Variants in TRPM3 observed in about 807,000 individuals in gnomAD.
The protein encoded by TRPM3 is long transient receptor potential channel 3.
In TRPM3, 77 loss-of-function variants were observed where a neutral mutation model predicts 181.2. The ratio of observed to expected loss-of-function variants is 0.42; its 90% CI spans 0.35 to 0.51. The LOEUF (loss-of-function observed/expected upper bound fraction) is 0.51, where lower values mean the gene tolerates loss of function less well. TRPM3 is among the 20% of genes least tolerant of loss of function. The pLI is 0.01. For synonymous variants in TRPM3, 745 were observed against 796.4 expected (o/e 0.94, Z 1.09); for missense variants, 1,759 against 2,196.7 (o/e 0.80, Z 3.98).
intron 1 of TRPM3, among the ~76,000 whole-genome samples, chr9:71,131,486 A>T (rs541774552): frequency 1.4e-3 from 206 of 152,362 alleles, no homozygotes; most frequent in African/African-American, 4.6e-3. Flanking sequence ...AGATCCTTGC[A>T]GACTGTCTGG....
intron 1 of TRPM3, among the ~76,000 whole-genome samples, chr9:71,306,547 A>G (rs1171764966): frequency 6.6e-6 from 1 of 152,184 alleles, no homozygotes; most frequent in Non-Finnish European, 1.5e-5. Context: ...CACTATTCTG[A>G]TATCTATAAG....
intron 1 of TRPM3, among the ~76,000 whole-genome samples, chr9:71,102,734 A>T (rs746564082): frequency 1.3e-4 from 20 of 152,152 alleles, no homozygotes; most frequent in Non-Finnish European, 2.1e-4. Context: ...AATATCTGGT[A>T]TGTTCTTCTA....
At chr9:71,408,448 G>C (rs1485566405) in intron 1 of TRPM3, among the ~76,000 whole-genome samples, 2 of 152,140 alleles carry the variant, frequency 1.3e-5, no homozygotes, top group African/African-American at 4.8e-5. Context: ...CGAGAACTAC[G>C]TGATGCATGC....
chr9:70,901,855 TGCATGACA>T (rs1564722661), intron 1 of TRPM3, among the ~76,000 whole-genome samples: 2 of 152,152 alleles, frequency 1.3e-5, no homozygotes, highest in South Asian at 2.1e-4. Flanking sequence ...GATATGAGAG[TGCATGACA>T]GCACATATAT....
intron 1 of TRPM3, among the ~76,000 whole-genome samples, chr9:71,027,501 T>C (rs1159402679): frequency 1.3e-5 from 2 of 152,066 alleles, no homozygotes; most frequent in East Asian, 1.9e-4. Flanking sequence ...AGAATATGGA[T>C]AGGAATGAAG....
chr9:71,186,763 T>C (rs1565317265), intron 1 of TRPM3, among the ~76,000 whole-genome samples: 2 of 152,072 alleles, frequency 1.3e-5, no homozygotes, highest in African/African-American at 4.8e-5. Context: ...AAGAACAGAT[T>C]TGACTGTCTA....
intron 5 of TRPM3, among the ~76,000 whole-genome samples, chr9:70,839,259 A>T (rs2094500741): frequency 6.6e-6 from 1 of 152,170 alleles, no homozygotes; most frequent in South Asian, 2.1e-4. Flanking sequence ...ACTAAGTGTG[A>T]GGCTCTAAGT....
At chr9:70,760,257 T>C (rs1278947875) in intron 8 of TRPM3, among the ~76,000 whole-genome samples, 2 of 151,668 alleles carry the variant, frequency 1.3e-5, no homozygotes, top group East Asian at 3.9e-4. Context: ...TGTATAGTCC[T>C]GGTAAGGTTT....
intron 1 of TRPM3, among the ~76,000 whole-genome samples, chr9:71,137,787 T>C (rs1286151209): frequency 6.6e-6 from 1 of 152,200 alleles, no homozygotes; most frequent in African/African-American, 2.4e-5. Context: ...TTTACATTAT[T>C]TTAACAGTTG....
intron 1 of TRPM3, among the ~76,000 whole-genome samples, chr9:71,352,051 A>G (rs191615361): frequency 6.6e-6 from 1 of 151,512 alleles, no homozygotes; most frequent in Non-Finnish European, 1.5e-5. Context: ...AATTTTTTGT[A>G]TTTTTAGTAA....
intron 1 of TRPM3, among the ~76,000 whole-genome samples, chr9:71,293,911 G>C (rs1237687595): frequency 6.6e-6 from 1 of 151,864 alleles, no homozygotes; most frequent in African/African-American, 2.4e-5. Context: ...GATAGAGGTG[G>C]TATTGCATAC....
rs1483987337 is a variant in TRPM3, at chr9:70,935,071, C to A, written c.178-70560G>T. Among the ~76,000 whole-genome samples the A allele has an allele frequency of 2.6e-5, 4 of 152,202 alleles. No individual in the cohort carries two copies. The East Asian group carries it at 7.7e-4, about 29-fold the overall frequency. ...CCAGCCTCATCTTCCATCACTTCCC[C>A]ATGCCCTACTTTGCAAACCCACTGA... is the stretch of plus-strand genomic sequence containing the variant. On this transcript the variant is annotated intron_variant, in intron 1 of 25. Coordinates refer to ENST00000677713, the MANE Select transcript of TRPM3 (RefSeq NM_001366145.2).
upstream of TRPM3, among the ~76,000 whole-genome samples, chr9:71,123,200 C>T (rs1428418065): frequency 6.6e-6 from 1 of 152,192 alleles, no homozygotes; most frequent in African/African-American, 2.4e-5. Context: ...ACCACTGCCT[C>T]TGTTTTTTGG....
intron 1 of TRPM3, among the ~76,000 whole-genome samples, chr9:71,062,783 A>G (rs1246804925): frequency 3.3e-5 from 5 of 151,938 alleles, no homozygotes; most frequent in African/African-American, 1.2e-4. Context: ...TGATAAAAGG[A>G]TGAGTTCAGC....
intron 1 of TRPM3, among the ~76,000 whole-genome samples, chr9:70,873,499 C>A (rs2095824327): frequency 6.6e-6 from 1 of 151,994 alleles, no homozygotes. Context: ...TACGCTCCAG[C>A]AAACCAAATT....
chr9:70,542,054 G>T (rs2043517023), intron 25 of TRPM3, among the ~76,000 whole-genome samples: 1 of 152,184 alleles, frequency 6.6e-6, no homozygotes, highest in Non-Finnish European at 1.5e-5. Flanking sequence ...CCAGGAGACT[G>T]AGGCTGTGGT....
At chr9:71,112,246 A>T (rs1421167678) in intron 1 of TRPM3, among the ~76,000 whole-genome samples, 2 of 152,314 alleles carry the variant, frequency 1.3e-5, no homozygotes, top group Admixed American at 6.5e-5. Context: ...ATATTAACAT[A>T]TGTTAGATCA....
intron 1 of TRPM3, among the ~76,000 whole-genome samples, chr9:70,876,243 C>T (rs1353293581): frequency 6.6e-6 from 1 of 150,772 alleles, no homozygotes; most frequent in African/African-American, 2.4e-5. Context: ...TATTTTACAT[C>T]CTAGAAGACA....
At chr9:70,739,591 A>G (rs1003729444) in intron 8 of TRPM3, among the ~76,000 whole-genome samples, 2 of 151,588 alleles carry the variant, frequency 1.3e-5, no homozygotes, top group African/African-American at 4.8e-5. Flanking sequence ...CCACTTTTTT[A>G]TTATTTATTT....
Sources: allele counts gnomAD v4.1 joint callset (sites outside exome capture counted in the v4.1 genomes callset), GRCh38; gene constraint gnomAD v4.1.1; transcripts MANE v1.5; gene names NCBI Gene and HGNC (gene_info 2026-07-23, HGNC 2026-07-21).